Variants in PTPRD observed in about 807,000 individuals in gnomAD.
PTPRD encodes receptor-type tyrosine-protein phosphatase delta.
A neutral mutation model predicts 214.5 loss-of-function variants in PTPRD; 34 were observed. The observed-to-expected ratio is 0.16, with a 90% CI of 0.12 to 0.21. The LOEUF (loss-of-function observed/expected upper bound fraction) is 0.21. PTPRD is among the 10% of genes least tolerant of loss of function. The pLI is 1.00. For missense variants in PTPRD, 2,545 were observed against 2,398.7 expected, an observed-to-expected ratio of 1.06 and a Z score of -1.27; for synonymous variants, 1,128 against 845.7, an observed-to-expected ratio of 1.33 and a Z score of -5.79.
chr9:10,080,590 T>C (rs1048444131), intron 3 of PTPRD, among the ~76,000 whole-genome samples: 9 of 152,248 alleles, frequency 5.9e-5, no homozygotes, highest in African/African-American at 2.2e-4. Context: ...AAGAAACATG[T>C]TCTACATGCA....
intron 8 of PTPRD, among the ~76,000 whole-genome samples, chr9:9,423,494 T>G (rs1471264468): frequency 6.6e-6 from 1 of 152,144 alleles, no homozygotes; most frequent in Non-Finnish European, 1.5e-5. Flanking sequence ...ATATTTTGTA[T>G]GACAACCTAG....
At chr9:10,382,256 C>T (rs1374010984) in intron 2 of PTPRD, among the ~76,000 whole-genome samples, 5 of 151,892 alleles carry the variant, frequency 3.3e-5, no homozygotes, top group Non-Finnish European at 7.4e-5. Flanking sequence ...GCATTTAAAG[C>T]CTTTCTTTTT....
chr9:9,457,171 A>G (rs2093127708), intron 8 of PTPRD, among the ~76,000 whole-genome samples: 1 of 151,888 alleles, frequency 6.6e-6, no homozygotes, highest in African/African-American at 2.4e-5. Context: ...AAACAGTACA[A>G]TTGGTACTTA....
intron 11 of PTPRD, among the ~76,000 whole-genome samples, chr9:8,825,120 A>AT (rs1321973637): frequency 6.6e-6 from 1 of 152,110 alleles, no homozygotes; most frequent in Non-Finnish European, 1.5e-5. Context: ...AGTTGGGTAA[A>AT]TTTCTTTCTT....
intron 10 of PTPRD, among the ~76,000 whole-genome samples, chr9:9,077,504 A>G (rs1407258798): frequency 1.3e-5 from 2 of 152,072 alleles, no homozygotes; most frequent in Non-Finnish European, 2.9e-5. Flanking sequence ...GTTCATCTGG[A>G]TTAAAATACA....
intron 2 of PTPRD, among the ~76,000 whole-genome samples, chr9:10,438,655 T>C (rs1588187534): frequency 1.3e-5 from 2 of 151,824 alleles, no homozygotes; most frequent in South Asian, 4.1e-4. Flanking sequence ...TTCAGCAGTA[T>C]ATGTGGATCT....
intron 11 of PTPRD, among the ~76,000 whole-genome samples, chr9:8,807,405 A>G (rs2096708973): frequency 6.6e-6 from 1 of 152,200 alleles, no homozygotes; most frequent in Non-Finnish European, 1.5e-5. Context: ...GAGTTTTCAC[A>G]GACTCCAGCT....
At chr9:9,976,471 T>G (rs1165516511) in intron 4 of PTPRD, among the ~76,000 whole-genome samples, 1 of 151,602 alleles carries the variant, frequency 6.6e-6, no homozygotes, top group Non-Finnish European at 1.5e-5. Flanking sequence ...ACTGCAACCT[T>G]TGCCTCCTGA....
At chr9:9,606,882 A>C (rs575186906) in intron 7 of PTPRD, among the ~76,000 whole-genome samples, 1 of 145,988 alleles carries the variant, frequency 6.8e-6, no homozygotes, top group East Asian at 2.1e-4. Context: ...TATACTTTCG[A>C]GAATAGGTTC....
chr9:10,603,066 T>A (rs2078382720), intron 2 of PTPRD, among the ~76,000 whole-genome samples: 1 of 151,798 alleles, frequency 6.6e-6, no homozygotes, highest in African/African-American at 2.4e-5. Flanking sequence ...GGAGCTGATA[T>A]ACCATAAAAT....
chr9:10,205,649 C>T (rs1195348415), intron 3 of PTPRD, among the ~76,000 whole-genome samples: 5 of 152,024 alleles, frequency 3.3e-5, no homozygotes, highest in South Asian at 2.1e-4. Flanking sequence ...TCAAATGATC[C>T]GCCTGCCTTG....
intron 8 of PTPRD, among the ~76,000 whole-genome samples, chr9:9,418,883 C>A (rs80060382): frequency 0.011 from 1,646 of 151,764 alleles, 29 homozygotes; most frequent in East Asian, 0.06. Flanking sequence ...AGGATATGTG[C>A]TAGAAAGAAA....
At chr9:9,939,630 G>A (rs1254951321) in intron 4 of PTPRD, among the ~76,000 whole-genome samples, 1 of 152,100 alleles carries the variant, frequency 6.6e-6, no homozygotes, top group Non-Finnish European at 1.5e-5. Flanking sequence ...TTGCTTGCTT[G>A]GATCATCACC....
chr9:9,600,472 C>T (rs2093666808), intron 7 of PTPRD, among the ~76,000 whole-genome samples: 1 of 152,014 alleles, frequency 6.6e-6, no homozygotes, highest in Non-Finnish European at 1.5e-5. Context: ...CGAGAATCAA[C>T]ATTCTAGTCT....
chr9:8,690,578 T>C (rs1038308487), intron 12 of PTPRD, among the ~76,000 whole-genome samples: 1 of 151,276 alleles, frequency 6.6e-6, no homozygotes, highest in African/African-American at 2.4e-5. Flanking sequence ...AATTTATCCA[T>C]AGGGGCTAAT....
chr9:9,273,423 A>C (rs889854842), intron 9 of PTPRD, among the ~76,000 whole-genome samples: 2 of 151,276 alleles, frequency 1.3e-5, no homozygotes, highest in African/African-American at 4.8e-5. Context: ...GTATGTATAT[A>C]TACATACATA....
chr9:9,413,119 T>TTTC (rs2075982915), intron 8 of PTPRD, among the ~76,000 whole-genome samples: 1 of 123,064 alleles, frequency 8.1e-6, no homozygotes, highest in Admixed American at 9.0e-5. Context: ...TTTTTTTTTT[T>TTTC]TTTTTTGAGA....
intron 2 of PTPRD, among the ~76,000 whole-genome samples, chr9:10,438,820 A>G (rs1416783754): frequency 6.6e-6 from 1 of 151,754 alleles, no homozygotes; most frequent in African/African-American, 2.4e-5. Flanking sequence ...GGGAAGGGTT[A>G]TATCTACTTG....
At chr9:8,342,988 T>C (rs1391286067) in intron 39 of PTPRD, among the ~76,000 whole-genome samples, 2 of 152,068 alleles carry the variant, frequency 1.3e-5, no homozygotes, top group Non-Finnish European at 2.9e-5. Context: ...CTGCTGGCTC[T>C]GGGAGCTACA....
Sources: allele counts gnomAD v4.1 joint callset (sites outside exome capture counted in the v4.1 genomes callset), GRCh38; gene constraint gnomAD v4.1.1; transcripts MANE v1.5; gene names NCBI Gene and HGNC (gene_info 2026-07-23, HGNC 2026-07-21).